LDLRAD4: variants seen among roughly 807,000 people sequenced by gnomAD.
LDLRAD4 encodes low density lipoprotein receptor class A domain containing 4, also known as low-density lipoprotein receptor class A domain-containing protein 4.
LDLRAD4 carries 5 observed loss-of-function variants against 17.0 expected under a neutral mutation model. The ratio of observed to expected loss-of-function variants is 0.29; its 90% confidence interval spans 0.15 to 0.62. The LOEUF is 0.62. Among genes scored for constraint, LDLRAD4 ranks in the 20% least tolerant of loss-of-function variants. The pLI is 0.84. For missense variants in LDLRAD4, 340 were observed against 424.7 expected, an observed-to-expected ratio of 0.80 and a Z score of 1.75; for synonymous variants, 168 against 171.8, an observed-to-expected ratio of 0.98 and a Z score of 0.17.
chr18:13,382,656 CGTGT>C (rs1281019510), intron 1 of LDLRAD4: 1 of 152,044 alleles, frequency 6.6e-6, no homozygotes, highest in Admixed American at 6.6e-5. Context: ...CATGTGTGTG[CGTGT>C]GTGTGTAGAA....
intron 3 of LDLRAD4, among the ~76,000 whole-genome samples, chr18:13,574,381 T>A (rs950244647): frequency 6.6e-6 from 1 of 152,124 alleles, no homozygotes; most frequent in East Asian, 1.9e-4. Context: ...CAGTGTGCCG[T>A]CCAGACCCCT....
intron 1 of LDLRAD4, among the ~76,000 whole-genome samples, chr18:13,324,085 C>T (rs1355018321): frequency 2.3e-5 from 3 of 131,542 alleles, no homozygotes; most frequent in African/African-American, 9.5e-5. Context: ...CATACCAAAT[C>T]TTGACGATGA....
At chr18:13,611,415 T>G in intron 3 of LDLRAD4, 1 of 983,342 alleles carries the variant, frequency 1.0e-6, no homozygotes. Flanking sequence ...CACCCCGTGA[T>G]TTTCTCTGAA....
chr18:13,468,177 A>G (rs1336246968), intron 3 of LDLRAD4, among the ~76,000 whole-genome samples: 3 of 152,256 alleles, frequency 2.0e-5, no homozygotes, highest in African/African-American at 7.2e-5. Context: ...GTGCATCCAA[A>G]GACATTATTA....
chr18:13,519,919 C>T (rs1601046555), intron 3 of LDLRAD4: 1 of 152,152 alleles, frequency 6.6e-6, no homozygotes, highest in East Asian at 1.9e-4. Context: ...GTCCTGTTGC[C>T]TCAAGTCTAT....
chr18:13,506,465 CT>C, intron 3 of LDLRAD4, among the ~76,000 whole-genome samples: 1 of 148,554 alleles, frequency 6.7e-6, no homozygotes, highest in African/African-American at 2.5e-5. Flanking sequence ...GCACTTTTAA[CT>C]TTGTTGGTGG....
intron 3 of LDLRAD4, among the ~76,000 whole-genome samples, chr18:13,485,660 G>A (rs995655565): frequency 1.6e-4 from 25 of 152,226 alleles, no homozygotes; most frequent in African/African-American, 5.5e-4. Context: ...TTCAGTTTTA[G>A]TAACTTAATA....
At chr18:13,436,038 C>T (rs1038950928) in intron 2 of LDLRAD4, among the ~76,000 whole-genome samples, 13 of 152,208 alleles carry the variant, frequency 8.5e-5, no homozygotes, top group African/African-American at 2.4e-4. Context: ...TTATGAGGCT[C>T]AGATCAAATT....
At chr18:13,514,567 C>T (rs1020412234) in intron 3 of LDLRAD4, 1 of 152,160 alleles carries the variant, frequency 6.6e-6, no homozygotes, top group Non-Finnish European at 1.5e-5. Flanking sequence ...CATCATAGGC[C>T]GTGGTAGCCC....
At chr18:13,414,414 C>A (rs1445622253) in intron 2 of LDLRAD4, among the ~76,000 whole-genome samples, 1 of 152,244 alleles carries the variant, frequency 6.6e-6, no homozygotes, top group Non-Finnish European at 1.5e-5. Flanking sequence ...TCTATTGTCA[C>A]TGTCACTTAG....
chr18:13,294,775 A>G (rs1567976755), intron 1 of LDLRAD4, among the ~76,000 whole-genome samples: 1 of 151,932 alleles, frequency 6.6e-6, no homozygotes, highest in Non-Finnish European at 1.5e-5. Flanking sequence ...TGATATTAGG[A>G]CAGCCTACCT....
intron 1 of LDLRAD4, among the ~76,000 whole-genome samples, chr18:13,356,227 A>G (rs2083333803): frequency 1.3e-5 from 2 of 152,238 alleles, no homozygotes; most frequent in African/African-American, 2.4e-5. Flanking sequence ...GCCACTGGGC[A>G]TGACCTCTGT....
intron 1 of LDLRAD4, among the ~76,000 whole-genome samples, chr18:13,242,980 G>T (rs911447630): frequency 3.3e-5 from 5 of 152,160 alleles, no homozygotes; most frequent in South Asian, 2.1e-4. Context: ...CTCCCTGCCG[G>T]CCTGCTCTGC....
At chr18:13,559,785 G>A (rs560581289) in intron 3 of LDLRAD4, among the ~76,000 whole-genome samples, 1 of 152,266 alleles carries the variant, frequency 6.6e-6, no homozygotes, top group South Asian at 2.1e-4. Flanking sequence ...CTAAATCACT[G>A]CCCCTCTCCT....
intron 3 of LDLRAD4, among the ~76,000 whole-genome samples, chr18:13,545,277 G>A (rs751191286): frequency 1.1e-4 from 17 of 152,188 alleles, no homozygotes; most frequent in Non-Finnish European, 1.3e-4. Context: ...AGCTGCGCAC[G>A]TTCAGGGCAG....
At chr18:13,596,510 A>G (rs1747881127) in intron 3 of LDLRAD4, among the ~76,000 whole-genome samples, 1 of 152,158 alleles carries the variant, frequency 6.6e-6, no homozygotes, top group Admixed American at 6.5e-5. Context: ...GTCAGAATCT[A>G]CTTAAGATTT....
intron 3 of LDLRAD4, among the ~76,000 whole-genome samples, chr18:13,554,451 C>G (rs931236960): frequency 6.6e-6 from 1 of 151,868 alleles, no homozygotes; most frequent in East Asian, 1.9e-4. Flanking sequence ...TTAAATGGAG[C>G]CTTTTCTGTT....
Position 13,300,356 on chromosome 18 carries a change from G to A in LDLRAD4, c.-383+22168G>A, listed in dbSNP as rs2146556221. Among the ~76,000 whole-genome samples, 1 of 152,372 alleles carries A rather than the reference G, an allele frequency of 6.6e-6. No homozygotes were observed. The highest frequency in any genetic ancestry group is 2.1e-4 in the South Asian group (1 of 4,830). ...CAGGCAGAACAGATGGCAGTGGTGAGGGCTGGAGCCCTCTGCAGGGCCTGG... is the reference window on the plus strand; with the variant it reads ...CAGGCAGAACAGATGGCAGTGGTGAAGGCTGGAGCCCTCTGCAGGGCCTGG... On this transcript the variant is annotated intron_variant, in intron 1 of 5. Coordinates refer to ENST00000359446, the Ensembl canonical transcript of LDLRAD4. This position sits in a 1 kb window ranked among gnomAD's most constrained non-coding sequence, Gnocchi z 4.2.
intron 1 of LDLRAD4, among the ~76,000 whole-genome samples, chr18:13,242,924 C>T (rs1008288354): frequency 4.6e-5 from 7 of 152,268 alleles, no homozygotes; most frequent in African/African-American, 1.7e-4. Flanking sequence ...TACCCATCCA[C>T]CCATCCATCT....
Sources: gnomAD v4.1 joint callset for allele counts (sites outside exome capture counted in the v4.1 genomes callset) on GRCh38, gnomAD v4.1.1 for gene constraint, Gnocchi (gnomAD v3.1) non-coding constraint, MANE v1.5 for transcripts, NCBI Gene and HGNC (gene_info 2026-07-23, HGNC 2026-07-21) for gene names.